The following H1-2 variants were observed in gnomAD, a reference collection of about 807,000 sequenced individuals.
The protein encoded by H1-2 is histone H1.2.
In H1-2, 7 loss-of-function variants were observed where a neutral mutation model predicts 7.2. The ratio of observed to expected loss-of-function variants is 0.97; its 90% CI spans 0.55 to 1.82. The LOEUF is 1.82. Ranked by LOEUF, H1-2 falls within the 40% of genes most tolerant of loss-of-function variation. H1-2 has a pLI of 0.00. For missense variants in H1-2, 703 were observed against 276.6 expected (o/e 2.54, Z -10.94); for synonymous variants, 300 against 118.2 (o/e 2.54, Z -9.98).
In H1-2 at chr6:26,056,080, T is replaced by C; in HGVS notation, c.349A>G (p.Lys117Glu). 6.2e-7 allele frequency: 1 copy of C among 1,614,202 alleles called. No homozygotes were observed. Among genetic ancestry groups the C allele is most frequent in the Non-Finnish European group, 8.5e-7 (1 of 1,180,032 alleles). Residue 117 changes from lysine (K) to glutamate (E), a missense_variant, in exon 1 of 1, where the codon AAG (lysine) becomes GAG (glutamate). By Grantham distance (56) the Lys-to-Glu change is moderately conservative. Transcript: ENST00000343677. Reference sequence around the variant, plus strand: ...CCGCCCGCCTTTTTAACCTTGGGCTTGGCTTCCCCGGAGGCTGCCTTCTTG... The same window carrying C: ...CCGCCCGCCTTTTTAACCTTGGGCTCGGCTTCCCCGGAGGCTGCCTTCTTG... Reference protein sequence around the residue: ...LNKKAASGEAKPKVKKAGGTK... With the variant: ...LNKKAASGEAEPKVKKAGGTK...
At position 26,056,215 on chromosome 6, in the gene H1-2, C is replaced by T. The variant is rs1252419231; in HGVS notation, c.214G>A (p.Asp72Asn). The stretch of plus-strand genomic sequence containing the variant: ...ATACGGCTGTTGTTTTTCTCCACAT[C>T]ATAGCCGGCGGCAGCCAACGCTTTT... ...LKKALAAAGYDVEKNNSRIKL... is the reference protein window; with the variant it reads ...LKKALAAAGYNVEKNNSRIKL... Residue 72 changes from aspartate (D) to asparagine (N), a missense_variant, in exon 1 of 1, where the codon GAT becomes AAT. Coordinates refer to ENST00000343677, the MANE Select transcript of H1-2 (RefSeq NM_005319.4). The T allele has an allele frequency of 6.2e-7, 1 of 1,614,248 alleles. No homozygotes were observed. Among genetic ancestry groups the T allele is most frequent in the Non-Finnish European group, 8.5e-7 (1 of 1,180,040 alleles).
rs774779034 is a variant in H1-2 at position 26,056,196 on chromosome 6, CTGT to C, written c.230_232del (p.Asn77del). On this transcript the variant is annotated inframe_deletion, in exon 1 of 1. Coordinates refer to ENST00000343677, the MANE Select transcript of H1-2 (RefSeq NM_005319.4). ...GCTCTTGAGACCAAGTTTGATACGGCTGTTGTTTTTCTCCACATCATAGCCGGC... is the reference window on the plus strand; with the variant it reads ...GCTCTTGAGACCAAGTTTGATACGGCTGTTTTTCTCCACATCATAGCCGGC... 37 of 1,614,136 alleles carry C rather than the reference CTGT, an allele frequency of 2.3e-5. No individual in the cohort carries two copies. Among genetic ancestry groups the C allele is most frequent in the Admixed American group, 3.3e-5 (2 of 60,012 alleles).
In H1-2 at chr6:26,055,978, C is replaced by A. The variant is rs1486283762; in HGVS notation, c.451G>T (p.Ala151Ser). The change falls in exon 1 of 1, where the codon GCT becomes TCT. Residue 151 changes from alanine (A) to serine (S), a missense_variant. Coordinates refer to ENST00000343677, the MANE Select transcript of H1-2 (RefSeq NM_005319.4). The stretch of plus-strand genomic sequence containing the variant: ...TTCGCTTTCTTCGGTGTTTTCTTAG[C>A]GCTCTTCTTCGGAGTTGCGCCGCCA... Reference protein sequence around the residue: ...AAGGATPKKSAKKTPKKAKKP... With the variant: ...AAGGATPKKSSKKTPKKAKKP... 2 of 1,613,976 alleles carry A rather than the reference C, an allele frequency of 1.2e-6. No homozygotes were observed.
In H1-2 at chr6:26,056,442, AACTC is replaced by A; in HGVS notation, c.-18_-15del. On this transcript the variant is annotated 5_prime_UTR_variant, in exon 1 of 1. Coordinates refer to ENST00000343677, the MANE Select transcript of H1-2 (RefSeq NM_005319.4). ...AGTCTCGGACATGTTGAGAATCAAA[AACTC>A]GGGTACAAGTGGCAAAGCGCCGATG... is the stretch of plus-strand genomic sequence containing the variant. The A allele has an allele frequency of 6.4e-7, 1 of 1,556,714 alleles. No individual in the cohort carries two copies.
In H1-2 at chr6:26,055,754, A is replaced by C; in HGVS notation, c.*33T>G. ...ATTGAGATCAGTGGTGGCTCTGAAA[A>C]GAGCCTTTTGGGTTTTAGAAGTAGG... On this transcript the variant is annotated 3_prime_UTR_variant, in exon 1 of 1. Transcript: ENST00000343677. The C allele has an allele frequency of 6.4e-7, 1 of 1,561,262 alleles. No homozygotes were observed. The highest frequency in any genetic ancestry group is 8.6e-7 in the Non-Finnish European group (1 of 1,159,014).
At position 26,055,742 on chromosome 6, in the gene H1-2, G is replaced by A. The variant is rs1457484216; in HGVS notation, c.*45C>T. ...TCCAGCTCTTTTATTGAGATCAGTG[G>A]TGGCTCTGAAAAGAGCCTTTTGGGT... On this transcript the variant is annotated 3_prime_UTR_variant, in exon 1 of 1. Coordinates refer to ENST00000343677, the MANE Select transcript of H1-2 (RefSeq NM_005319.4). The A allele has an allele frequency of 6.7e-7, 1 of 1,487,802 alleles. No homozygotes were observed. The highest frequency in any genetic ancestry group is 9.1e-7 in the Non-Finnish European group (1 of 1,095,546). 92.2% of individuals were successfully genotyped at this position (1,487,802 alleles called of 1,614,324 possible).
rs200705328 is a variant in H1-2, at chr6:26,056,374, G to A, written c.55C>T (p.Pro19Ser). 9 of 1,609,374 alleles carry A rather than the reference G, an allele frequency of 5.6e-6. No homozygotes were observed. The highest frequency in any genetic ancestry group is 3.4e-5 in the Admixed American group (2 of 59,148). Residue 19 changes from proline to serine, a missense_variant, in exon 1 of 1, where the codon CCT becomes TCT. Coordinates refer to ENST00000343677, the MANE Select transcript of H1-2 (RefSeq NM_005319.4). Reference protein sequence around the residue: ...PAAAPPAEKAPVKKKAAKKAG... With the variant: ...PAAAPPAEKASVKKKAAKKAG... ...TTTTTGGCCGCCTTCTTCTTTACAG[G>A]GGCCTTCTCCGCAGGAGGCGCGGCA...
rs776606219 is a variant in H1-2, at chr6:26,056,067, T to C, written c.362A>G (p.Lys121Arg). The change falls in exon 1 of 1, where the codon AAA becomes AGA. Residue 121 changes from lysine (K) to arginine (R), a missense_variant. Lys to Arg is a conservative substitution (Grantham distance 26, BLOSUM62 2). Transcript: ENST00000343677. ...AASGEAKPKVKKAGGTKPKKP... is the reference protein window; with the variant it reads ...AASGEAKPKVRKAGGTKPKKP... ...CTTAGGTTTGGTTCCGCCCGCCTTT[T>C]TAACCTTGGGCTTGGCTTCCCCGGA... 3.1e-6 allele frequency: 5 copies of C among 1,614,192 alleles called. No homozygotes were observed. The highest frequency in any genetic ancestry group is 1.1e-5 in the South Asian group (1 of 91,090).
chr6:26,055,861 C>A lies in H1-2; in HGVS notation c.568G>T (p.Ala190Ser). The change falls in exon 1 of 1, where the codon GCT becomes TCT. Residue 190 changes from alanine to serine, a missense_variant. Transcript: ENST00000343677. ...GCGGCCTTGGGCTTCACAGCCTTAG[C>A]AGCACTTTTGGCAGCTTTCTTGGGC... ...AKPKKAAKSAAKAVKPKAAKP... is the reference protein window; with the variant it reads ...AKPKKAAKSASKAVKPKAAKP... The A allele has an allele frequency of 1.9e-6, 3 of 1,614,138 alleles. No homozygotes were observed. Among genetic ancestry groups the A allele is most frequent in the Non-Finnish European group, 2.5e-6 (3 of 1,179,972 alleles).
Position 26,055,928 on chromosome 6 carries a change from G to T in H1-2, c.501C>A (p.Thr167=), listed in dbSNP as rs199882747. The T allele has an allele frequency of 6.2e-7, 1 of 1,614,134 alleles. No individual in the cohort carries two copies. The highest frequency in any genetic ancestry group is 8.5e-7 in the Non-Finnish European group (1 of 1,180,028). Residue 167 remains threonine (T), a synonymous_variant, in exon 1 of 1, where the codon ACC becomes ACA. Coordinates refer to ENST00000343677, the MANE Select transcript of H1-2 (RefSeq NM_005319.4). ...KAKKPAAATV[T]KKVAKSPKKA... is the part of the protein sequence containing the mutation. ...TCTTTGGGCTCTTAGCCACTTTCTT[G>T]GTTACAGTGGCCGCGGCCGGCTTCT...
Position 26,056,356 on chromosome 6 carries a change from C to T in H1-2, c.73G>A (p.Ala25Thr), listed in dbSNP as rs770343058. ...AEKAPVKKKA[A>T]KKAGGTPRKA... is the part of the protein sequence containing the mutation. ...CGAGGCGTACCCCCAGCCTTTTTGG[C>T]CGCCTTCTTCTTTACAGGGGCCTTC... The change falls in exon 1 of 1, where the codon GCC becomes ACC. Residue 25 changes from alanine to threonine, a missense_variant. Coordinates refer to ENST00000343677, the MANE Select transcript of H1-2 (RefSeq NM_005319.4). The T allele has an allele frequency of 1.7e-5, 27 of 1,613,214 alleles. No individual in the cohort carries two copies. Among genetic ancestry groups the T allele is most frequent in the South Asian group, 4.4e-5 (4 of 91,044 alleles).
Position 26,055,867 on chromosome 6 carries a change from T to C in H1-2, c.562A>G (p.Ser188Gly), listed in dbSNP as rs970595445. The change falls in exon 1 of 1, where the codon AGT becomes GGT. Residue 188 changes from serine (S) to glycine (G), a missense_variant. By Grantham distance (56) the Ser-to-Gly change is moderately conservative. Coordinates refer to ENST00000343677, the MANE Select transcript of H1-2 (RefSeq NM_005319.4). ...KVAKPKKAAK[S>G]AAKAVKPKAA... Reference sequence around the variant, plus strand: ...TTGGGCTTCACAGCCTTAGCAGCACTTTTGGCAGCTTTCTTGGGCTTCGCA... The same window carrying C: ...TTGGGCTTCACAGCCTTAGCAGCACCTTTGGCAGCTTTCTTGGGCTTCGCA... 1.2e-6 allele frequency: 2 copies of C among 1,614,146 alleles called. No homozygotes were observed. Among genetic ancestry groups the C allele is most frequent in the Non-Finnish European group, 1.7e-6 (2 of 1,179,958 alleles).
rs2230653 is a variant in H1-2 at position 26,056,376 on chromosome 6, G to C, written c.53C>G (p.Ala18Gly). The change falls in exon 1 of 1, where the codon GCC becomes GGC. Residue 18 changes from alanine to glycine, a missense_variant. Coordinates refer to ENST00000343677, the MANE Select transcript of H1-2 (RefSeq NM_005319.4). ...APAAAPPAEKAPVKKKAAKKA... is the reference protein window; with the variant it reads ...APAAAPPAEKGPVKKKAAKKA... ...TTTGGCCGCCTTCTTCTTTACAGGG[G>C]CCTTCTCCGCAGGAGGCGCGGCAGC... is the stretch of plus-strand genomic sequence containing the variant. 1 of 1,609,110 alleles carries C rather than the reference G, an allele frequency of 6.2e-7. No individual in the cohort carries two copies. Among genetic ancestry groups the C allele is most frequent in the Non-Finnish European group, 8.5e-7 (1 of 1,177,568 alleles).
chr6:26,056,401 C>G lies in H1-2; in HGVS notation c.28G>C (p.Ala10Pro), dbSNP rs1249380748. 3 of 1,599,566 alleles carry G rather than the reference C, an allele frequency of 1.9e-6. No homozygotes were observed. The highest frequency in any genetic ancestry group is 2.7e-5 in the African/African-American group (2 of 73,972). Residue 10 changes from alanine (A) to proline (P), a missense_variant, in exon 1 of 1, where the codon GCT becomes CCT. By Grantham distance (27) the Ala-to-Pro change is conservative. Coordinates refer to ENST00000343677, the MANE Select transcript of H1-2 (RefSeq NM_005319.4). MSETAPAAP[A>P]AAPPAEKAPV... ...GCCTTCTCCGCAGGAGGCGCGGCAG[C>G]GGGAGCGGCAGGAGCAGTCTCGGAC...
chr6:26,056,265 C>G lies in H1-2; in HGVS notation c.164G>C (p.Ser55Thr), dbSNP rs990567343. ...TTTCAGAGCAGCCAGAGAAACTCCG[C>G]TACGCTCTTTAGAGGCGGCCACAGC... ...TKAVAASKER[S>T]GVSLAALKKA... The change falls in exon 1 of 1, where the codon AGC (serine) becomes ACC (threonine). Residue 55 changes from serine to threonine, a missense_variant. Coordinates refer to ENST00000343677, the MANE Select transcript of H1-2 (RefSeq NM_005319.4). 1.9e-6 allele frequency: 3 copies of G among 1,614,144 alleles called. No homozygotes were observed. In the African/African-American group the frequency reaches 4.0e-5, roughly 22 times the overall value.
rs201295771 is a variant in H1-2, at chr6:26,056,121, C to G, written c.308G>C (p.Gly103Ala). 2 of 1,614,218 alleles carry G rather than the reference C, an allele frequency of 1.2e-6. No homozygotes were observed. Among genetic ancestry groups the G allele is most frequent in the Non-Finnish European group, 1.7e-6 (2 of 1,180,032 alleles). Residue 103 changes from glycine (G) to alanine (A), a missense_variant, in exon 1 of 1, where the codon GGC becomes GCC. Transcript: ENST00000343677. ...TGCCTTCTTGTTGAGTTTAAAGGAGCCAGAAGCACCGGTGCCTTTCGTTTG... is the reference window on the plus strand; with the variant it reads ...TGCCTTCTTGTTGAGTTTAAAGGAGGCAGAAGCACCGGTGCCTTTCGTTTG... ...LVQTKGTGAS[G>A]SFKLNKKAAS...
chr6:26,056,045 A>G lies in H1-2; in HGVS notation c.384T>C (p.Pro128=), dbSNP rs1581645474. 6.2e-7 allele frequency: 1 copy of G among 1,614,000 alleles called. No homozygotes were observed. The highest frequency in any genetic ancestry group is 1.3e-5 in the African/African-American group (1 of 74,992). Residue 128 remains proline, a synonymous_variant, in exon 1 of 1, where the codon CCT becomes CCC. Coordinates refer to ENST00000343677, the MANE Select transcript of H1-2 (RefSeq NM_005319.4). The part of the protein sequence containing the change: ...PKVKKAGGTK[P]KKPVGAAKKP... ...TCTTGGCTGCCCCAACTGGCTTCTT[A>G]GGTTTGGTTCCGCCCGCCTTTTTAA...
rs201648183 is a variant in H1-2, at chr6:26,056,445, T to C, written c.-17A>G. 31 of 1,553,640 alleles carry C rather than the reference T, an allele frequency of 2.0e-5. 1 individual carries two copies. The Admixed American group carries it at 3.8e-4, about 19-fold the overall frequency. ...CTCGGACATGTTGAGAATCAAAAAC[T>C]CGGGTACAAGTGGCAAAGCGCCGAT... On this transcript the variant is annotated 5_prime_UTR_variant, in exon 1 of 1. Transcript: ENST00000343677.
Position 26,055,948 on chromosome 6 carries a change from G to T in H1-2, c.481C>A (p.Pro161Thr), listed in dbSNP as rs202109685. Residue 161 changes from proline (P) to threonine (T), a missense_variant, in exon 1 of 1, where the codon CCG becomes ACG. Physicochemically the swap from Pro to Thr is conservative, Grantham distance 38. Transcript: ENST00000343677. Reference sequence around the variant, plus strand: ...TTCTTGGTTACAGTGGCCGCGGCCGGCTTCTTCGCTTTCTTCGGTGTTTTC... The same window carrying T: ...TTCTTGGTTACAGTGGCCGCGGCCGTCTTCTTCGCTTTCTTCGGTGTTTTC... ...AKKTPKKAKK[P>T]AAATVTKKVA... The T allele has an allele frequency of 6.2e-7, 1 of 1,614,102 alleles. No homozygotes were observed.
Sources: gnomAD v4.1 joint callset for allele counts on GRCh38, gnomAD v4.1.1 for gene constraint, MANE v1.5 for transcripts, NCBI Gene and HGNC (gene_info 2026-07-23, HGNC 2026-07-21) for gene names.